Variants in DSCAM observed in about 807,000 individuals in gnomAD.
The protein encoded by DSCAM is cell adhesion molecule DSCAM.
DSCAM carries 47 observed loss-of-function variants against 217.7 expected under a neutral mutation model. The observed-to-expected ratio is 0.22, with a 90% CI of 0.17 to 0.28. The LOEUF is 0.28. Ranked by LOEUF, DSCAM falls within the 10% of genes least tolerant of loss-of-function variation. DSCAM has a pLI of 1.00. For synonymous variants in DSCAM, 1,056 were observed against 1,015.3 expected, an observed-to-expected ratio of 1.04 and a Z score of -0.76; for missense variants, 2,080 against 2,618.3, an observed-to-expected ratio of 0.79 and a Z score of 4.49.
At chr21:40,490,608 A>G (rs2076068865) in intron 3 of DSCAM, among the ~76,000 whole-genome samples, 1 of 152,054 alleles carries the variant, frequency 6.6e-6, no homozygotes, top group South Asian at 2.1e-4. Flanking sequence ...TGGCTGGAGT[A>G]CCCCCACCCT....
At chr21:40,214,735 C>CAAAAAAAAAAAAAAAAAA (rs1209648217) in intron 11 of DSCAM, among the ~76,000 whole-genome samples, 12 of 67,866 alleles carry the variant, frequency 1.8e-4, no homozygotes, top group Admixed American at 3.0e-4. Context: ...GCAACAACAG[C>CAAAAAAAAAAAAAAAAAA]AAAAAAAAAA....
intron 1 of DSCAM, among the ~76,000 whole-genome samples, chr21:40,810,799 G>A (rs149139977): frequency 6.6e-6 from 1 of 152,296 alleles, no homozygotes; most frequent in Non-Finnish European, 1.5e-5. Context: ...CAGCTACTCA[G>A]GAGGCTGAGG....
intron 3 of DSCAM, among the ~76,000 whole-genome samples, chr21:40,676,730 A>T (rs1044495094): frequency 2.0e-5 from 3 of 152,222 alleles, no homozygotes; most frequent in Admixed American, 1.3e-4. Context: ...TCATTTAAAA[A>T]TTACCTGCAA....
chr21:40,549,180 C>T (rs868151525), intron 3 of DSCAM, among the ~76,000 whole-genome samples: 1 of 151,936 alleles, frequency 6.6e-6, no homozygotes, highest in African/African-American at 2.4e-5. Context: ...ACAGTGTGAC[C>T]CTGTCTCAAA....
intron 2 of DSCAM, among the ~76,000 whole-genome samples, chr21:40,703,657 T>C (rs970676400): frequency 2.0e-5 from 3 of 152,256 alleles, no homozygotes; most frequent in African/African-American, 7.2e-5. Flanking sequence ...TATTTTATTA[T>C]TGCGCTGAGC....
intron 6 of DSCAM, 86 bp from the exon 7 acceptor site, chr21:40,339,501 A>G: frequency 1.5e-5 from 20 of 1,325,002 alleles, no homozygotes; most frequent in Non-Finnish European, 2.0e-5. Context: ...TCTAGGGGGT[A>G]AATGTCGTAG....
chr21:40,029,416 A>G (rs557629126), intron 32 of DSCAM, among the ~76,000 whole-genome samples: 2 of 140,838 alleles, frequency 1.4e-5, no homozygotes, highest in African/African-American at 5.3e-5. Flanking sequence ...TGGGGAATGC[A>G]TTTGAGGTTG....
intron 3 of DSCAM, among the ~76,000 whole-genome samples, chr21:40,493,875 A>T (rs370650554): frequency 0.076 from 10,286 of 134,802 alleles, 677 homozygotes; most frequent in African/African-American, 0.18. Flanking sequence ...AAAAAAAAAA[A>T]AAAAATATAT....
At chr21:40,680,584 G>A (rs1248248947) in intron 3 of DSCAM, among the ~76,000 whole-genome samples, 1 of 152,156 alleles carries the variant, frequency 6.6e-6, no homozygotes, top group Non-Finnish European at 1.5e-5. Context: ...TCTGTTTATA[G>A]CTTCTTTTCA....
chr21:40,021,840 A>G, intron 32 of DSCAM, among the ~76,000 whole-genome samples: 1 of 152,300 alleles, frequency 6.6e-6, no homozygotes, highest in East Asian at 1.9e-4. Context: ...CCATCAGCAG[A>G]TTCACACTCA....
intron 10 of DSCAM, among the ~76,000 whole-genome samples, chr21:40,293,323 C>T (rs889413363): frequency 6.6e-6 from 1 of 152,000 alleles, no homozygotes; most frequent in East Asian, 1.9e-4. Flanking sequence ...CTTCCTCCTA[C>T]AGGGAAATGT....
intron 11 of DSCAM, among the ~76,000 whole-genome samples, chr21:40,216,393 C>T (rs1226630955): frequency 6.6e-6 from 1 of 152,036 alleles, no homozygotes; most frequent in African/African-American, 2.4e-5. Context: ...GGATTTCAGG[C>T]ATGAACAACT....
intron 3 of DSCAM, among the ~76,000 whole-genome samples, chr21:40,669,231 A>G (rs2090240898): frequency 6.6e-6 from 1 of 152,130 alleles, no homozygotes; most frequent in African/African-American, 2.4e-5. Context: ...ATCTGTTTAA[A>G]TTATTTACCC....
At chr21:40,564,977 G>A (rs1352674605) in intron 3 of DSCAM, among the ~76,000 whole-genome samples, 1 of 152,168 alleles carries the variant, frequency 6.6e-6, no homozygotes, top group African/African-American at 2.4e-5. Flanking sequence ...GGGCAGAGGT[G>A]GAGGGGAGGA....
chr21:40,333,355 C>T (rs895737749), intron 8 of DSCAM, among the ~76,000 whole-genome samples: 1 of 152,150 alleles, frequency 6.6e-6, no homozygotes, highest in Non-Finnish European at 1.5e-5. Flanking sequence ...CATTTAAAAA[C>T]ATTTTACTGA....
intron 1 of DSCAM, among the ~76,000 whole-genome samples, chr21:40,762,303 A>G (rs2091344073): frequency 6.6e-6 from 1 of 152,202 alleles, no homozygotes; most frequent in African/African-American, 2.4e-5. Flanking sequence ...CCACAGAAAT[A>G]CAAACTACCA....
chr21:40,670,564 A>T (rs1213240990), intron 3 of DSCAM, among the ~76,000 whole-genome samples: 2 of 142,560 alleles, frequency 1.4e-5, no homozygotes, highest in Non-Finnish European at 3.1e-5. Context: ...ACTACTTTAG[A>T]TACCTCATAT....
At chr21:40,804,132 G>A (rs1276073419) in intron 1 of DSCAM, among the ~76,000 whole-genome samples, 1 of 152,154 alleles carries the variant, frequency 6.6e-6, no homozygotes, top group Non-Finnish European at 1.5e-5. Context: ...ACAGTGACCT[G>A]TGCAGTACAA....
At chr21:40,629,089 GT>G (rs869177035) in intron 3 of DSCAM, among the ~76,000 whole-genome samples, 1 of 13,364 alleles carries the variant, frequency 7.5e-5, no homozygotes, top group African/African-American at 1.5e-4. Context: ...GTGTGTGTGT[GT>G]GTGTGTGTGT....
Sources: allele counts gnomAD v4.1 joint callset (sites outside exome capture counted in the v4.1 genomes callset), GRCh38; gene constraint gnomAD v4.1.1; transcripts MANE v1.5; gene names NCBI Gene and HGNC (gene_info 2026-07-23, HGNC 2026-07-21).